The following CCBE1 variants were observed in gnomAD, a reference collection of about 807,000 sequenced individuals.
CCBE1 encodes the protein collagen and calcium-binding EGF domain-containing protein 1.
CCBE1 carries 37 observed loss-of-function variants against 50.0 expected under a neutral mutation model. That is an observed-to-expected ratio of 0.74 (90% CI 0.57 to 0.97). The LOEUF is 0.97. Among genes scored for constraint, CCBE1 ranks in the 50% least tolerant of loss-of-function variants. CCBE1 has a pLI of 0.00. For missense variants in CCBE1, 538 were observed against 523.8 expected, an observed-to-expected ratio of 1.03 and a Z score of -0.26; for synonymous variants, 234 against 203.7, an observed-to-expected ratio of 1.15 and a Z score of -1.27.
At chr18:59,629,476 T>C (rs548805937) in intron 2 of CCBE1, among the ~76,000 whole-genome samples, 2 of 152,336 alleles carry the variant, frequency 1.3e-5, no homozygotes, top group South Asian at 4.1e-4. Flanking sequence ...CCCTTTCTCC[T>C]TTAGAGAGTA....
At chr18:59,582,978 A>C (rs1474616020) in intron 2 of CCBE1, among the ~76,000 whole-genome samples, 1 of 152,100 alleles carries the variant, frequency 6.6e-6, no homozygotes, top group Non-Finnish European at 1.5e-5. Context: ...CACCATGCCC[A>C]ACTAAATAAA....
rs540927018 is a variant in CCBE1, at chr18:59,467,113, G to A, written c.401-222C>T. ...TTGTTACAGGCTGATCAGTGATGGGGTTCCTGGCTGTGGCTCTGCCACTCG... is the reference window on the plus strand; with the variant it reads ...TTGTTACAGGCTGATCAGTGATGGGATTCCTGGCTGTGGCTCTGCCACTCG... On this transcript the variant is annotated intron_variant, in intron 4 of 10. Transcript: ENST00000439986. 6.6e-5 allele frequency among the ~76,000 whole-genome samples: 10 copies of A among 152,344 alleles called. No homozygotes were observed. The South Asian group carries it at 1.9e-3, about 28-fold the overall frequency.
chr18:59,454,315 G>A (rs1385175016), intron 6 of CCBE1, among the ~76,000 whole-genome samples: 2 of 152,188 alleles, frequency 1.3e-5, no homozygotes, highest in Non-Finnish European at 2.9e-5. Flanking sequence ...AGTGGTCCCA[G>A]CTCACTGCAA....
intron 2 of CCBE1, among the ~76,000 whole-genome samples, chr18:59,601,756 T>C (rs2053437556): frequency 6.6e-6 from 1 of 152,212 alleles, no homozygotes; most frequent in African/African-American, 2.4e-5. Flanking sequence ...GGAGAAAGTG[T>C]ATGTCCAGCA....
At chr18:59,591,428 A>T (rs1329069699) in intron 2 of CCBE1, among the ~76,000 whole-genome samples, 1 of 152,216 alleles carries the variant, frequency 6.6e-6, no homozygotes, top group Non-Finnish European at 1.5e-5. Flanking sequence ...TATTTGCATC[A>T]TGTATCACAA....
chr18:59,504,862 A>G (rs1037408590), intron 2 of CCBE1, among the ~76,000 whole-genome samples: 19 of 152,094 alleles, frequency 1.2e-4, no homozygotes, highest in African/African-American at 4.6e-4. Context: ...CTGAACTTCC[A>G]TGGCATTTGC....
At position 59,534,111 on chromosome 18, in the gene CCBE1, T is replaced by C. The variant is rs536235910; in HGVS notation, c.213-53873A>G. Among the ~76,000 whole-genome samples, 100 of 152,334 alleles carry C rather than the reference T, an allele frequency of 6.6e-4. 1 individual carries two copies. The highest frequency in any genetic ancestry group is 2.3e-3 in the African/African-American group (94 of 41,564). ...TTAGTGATCTATACATGGAAGACTA[T>C]AGATTACTAAGATGTTGGCTAATGA... On this transcript the variant is annotated intron_variant, in intron 2 of 10. Transcript: ENST00000439986.
At chr18:59,547,754 T>G (rs1051803606) in intron 2 of CCBE1, among the ~76,000 whole-genome samples, 10 of 152,158 alleles carry the variant, frequency 6.6e-5, no homozygotes, top group Non-Finnish European at 7.4e-5. Flanking sequence ...CAGTGAGACC[T>G]CCAGTGGTGT....
chr18:59,694,288 C>T (rs2054776518), intron 2 of CCBE1, among the ~76,000 whole-genome samples: 1 of 152,322 alleles, frequency 6.6e-6, no homozygotes, highest in Middle Eastern at 3.4e-3. Context: ...GAATTCTATA[C>T]AGTCAAAGAA....
chr18:59,564,171 T>C (rs1395158728), intron 2 of CCBE1: 2 of 152,216 alleles, frequency 1.3e-5, no homozygotes, highest in Non-Finnish European at 2.9e-5. Context: ...AAAACTTTCC[T>C]TTCGAAAGTG....
chr18:59,474,473 C>G (rs1397416354), intron 3 of CCBE1, among the ~76,000 whole-genome samples: 1 of 152,202 alleles, frequency 6.6e-6, no homozygotes, highest in Non-Finnish European at 1.5e-5. Context: ...CCACAGAAGA[C>G]ATTTCCAAAT....
Position 59,439,390 on chromosome 18 carries a change from C to T in CCBE1, c.951+153G>A, listed in dbSNP as rs554416404. 5.9e-5 allele frequency among the ~76,000 whole-genome samples: 9 copies of T among 152,030 alleles called. No individual in the cohort carries two copies. In the East Asian group the frequency reaches 1.7e-3, roughly 29 times the overall value. On this transcript the variant is annotated intron_variant, in intron 9 of 10. Coordinates refer to ENST00000439986, the MANE Select transcript of CCBE1 (RefSeq NM_133459.4). ...TGAGGCGGGAGAATTGGGCTTGAGC[C>T]AGAGAGGCAGAGGCTGTAATGAGCC... is the stretch of plus-strand genomic sequence containing the variant.
intron 2 of CCBE1, among the ~76,000 whole-genome samples, chr18:59,514,331 C>T (rs1914267562): frequency 6.6e-6 from 1 of 151,946 alleles, no homozygotes; most frequent in South Asian, 2.1e-4. Flanking sequence ...CTCTTGGTAG[C>T]GCCCCTGACA....
At chr18:59,651,207 GGGAA>G (rs1236344828) in intron 2 of CCBE1, among the ~76,000 whole-genome samples, 1 of 152,164 alleles carries the variant, frequency 6.6e-6, no homozygotes, top group East Asian at 1.9e-4. Flanking sequence ...ATGTGTTCCA[GGGAA>G]AATACGTTCT....
intron 2 of CCBE1, among the ~76,000 whole-genome samples, chr18:59,539,833 A>T (rs1915398972): frequency 6.6e-6 from 1 of 152,258 alleles, no homozygotes; most frequent in African/African-American, 2.4e-5. Flanking sequence ...ATGTTTTTCC[A>T]GACTAATATT....
intron 2 of CCBE1, among the ~76,000 whole-genome samples, chr18:59,611,117 G>C (rs1184135231): frequency 1.3e-5 from 2 of 152,222 alleles, no homozygotes; most frequent in Non-Finnish European, 2.9e-5. Context: ...GCATGGTTCT[G>C]AGAAGAGATC....
chr18:59,649,369 G>A (rs953181407), intron 2 of CCBE1, among the ~76,000 whole-genome samples: 1 of 152,142 alleles, frequency 6.6e-6, no homozygotes, highest in African/African-American at 2.4e-5. Context: ...CAGTTGATGC[G>A]GTGCAAGACT....
chr18:59,687,539 A>C (rs1253732875), intron 2 of CCBE1, among the ~76,000 whole-genome samples: 1 of 152,174 alleles, frequency 6.6e-6, no homozygotes, highest in African/African-American at 2.4e-5. Context: ...TCACTTCAGA[A>C]TATTTCTTTT....
At chr18:59,524,422 A>ATTGTAATAAACATCTGCAAGATGTTTC (rs1174041196) in intron 2 of CCBE1, among the ~76,000 whole-genome samples, 1 of 152,216 alleles carries the variant, frequency 6.6e-6, no homozygotes, top group Admixed American at 6.5e-5. Flanking sequence ...ATTTTAATTT[A>ATTGTAATAAACATCTGCAAGATGTTTC]TTGTAATAAA....
Sources: gnomAD v4.1 joint callset for allele counts (sites outside exome capture counted in the v4.1 genomes callset) on GRCh38, gnomAD v4.1.1 for gene constraint, MANE v1.5 for transcripts, NCBI Gene and HGNC (gene_info 2026-07-23, HGNC 2026-07-21) for gene names.